The following XRN1 variants were observed in gnomAD, a reference collection of about 807,000 sequenced individuals.
XRN1 encodes the protein strand-exchange protein 1 homolog.
In XRN1, 67 loss-of-function variants were observed where a neutral mutation model predicts 222.3. The observed-to-expected ratio is 0.30, with a 90% CI of 0.25 to 0.37. XRN1 has a LOEUF of 0.37. Among genes scored for constraint, XRN1 ranks in the 10% least tolerant of loss-of-function variants. The probability of loss-of-function intolerance (pLI) is 1.00; values close to 1 mark genes in which losing one functional copy is unlikely to be tolerated. For missense variants in XRN1, 1,707 were observed against 2,000.2 expected, an observed-to-expected ratio of 0.85 and a Z score of 2.80; for synonymous variants, 643 against 652.4, an observed-to-expected ratio of 0.99 and a Z score of 0.22.
intron 32 of XRN1, among the ~76,000 whole-genome samples, chr3:142,350,775 A>G (rs1207294480): frequency 6.6e-6 from 1 of 152,212 alleles, no homozygotes; most frequent in Admixed American, 6.5e-5. Flanking sequence ...GAAGGAGTAA[A>G]GGATGTGACT....
intron 25 of XRN1, among the ~76,000 whole-genome samples, chr3:142,374,746 C>T (rs369906498): frequency 6.6e-6 from 1 of 152,026 alleles, no homozygotes; most frequent in African/African-American, 2.4e-5. Context: ...AGAAAGTGAA[C>T]AGAAGAAACA....
At chr3:142,410,575 C>G (rs1185941794) in intron 15 of XRN1, among the ~76,000 whole-genome samples, 1 of 139,714 alleles carries the variant, frequency 7.2e-6, no homozygotes, top group Non-Finnish European at 1.5e-5. Context: ...CTCACTGCAA[C>G]CTCTGCCTCT....
intron 14 of XRN1, among the ~76,000 whole-genome samples, chr3:142,413,080 T>C (rs1317987609): frequency 6.6e-6 from 1 of 152,178 alleles, no homozygotes; most frequent in Non-Finnish European, 1.5e-5. Context: ...GAAGAACTGA[T>C]TCTATTAAGT....
chr3:142,365,886 T>C (rs942502896), intron 27 of XRN1, among the ~76,000 whole-genome samples: 2 of 152,202 alleles, frequency 1.3e-5, no homozygotes, highest in Non-Finnish European at 2.9e-5. Context: ...GTATATATTT[T>C]TAAAAAGTAT....
intron 33 of XRN1, among the ~76,000 whole-genome samples, chr3:142,338,561 T>A (rs2065907750): frequency 6.6e-6 from 1 of 152,136 alleles, no homozygotes; most frequent in Non-Finnish European, 1.5e-5. Flanking sequence ...AGAGTCCTGC[T>A]TGAGAAAAGC....
At chr3:142,383,251 C>T (rs202052693) in intron 22 of XRN1, 49 bp downstream of exon 22, 5 of 1,398,018 alleles carry the variant, frequency 3.6e-6, no homozygotes, top group South Asian at 1.3e-5. Flanking sequence ...AGTTAAGTAA[C>T]TGCTTTAAAC....
At chr3:142,369,784 C>T (rs2066931365) in intron 27 of XRN1, among the ~76,000 whole-genome samples, 2 of 147,394 alleles carry the variant, frequency 1.4e-5, no homozygotes, top group South Asian at 4.4e-4. Context: ...GGTGACTCAC[C>T]CCTGTAATCC....
chr3:142,354,485 T>C (rs1488515817), intron 32 of XRN1, among the ~76,000 whole-genome samples: 2 of 152,288 alleles, frequency 1.3e-5, no homozygotes, highest in Non-Finnish European at 2.9e-5. Context: ...CATATATGAG[T>C]TGCATTTGCT....
rs148041512 is a variant in XRN1 at position 142,335,955 on chromosome 3, C to T, written c.3878-446G>A. Among the ~76,000 whole-genome samples the T allele has an allele frequency of 9.1e-4, 139 of 152,260 alleles. 2 individuals carry two copies. The East Asian group carries it at 0.023, about 25-fold the overall frequency. On this transcript the variant is annotated intron_variant, in intron 33 of 40. Coordinates refer to ENST00000392981, the MANE Select transcript of XRN1 (RefSeq NM_001282857.2). The stretch of plus-strand genomic sequence containing the variant: ...GCAGCCAGTAACAGAAAGGTTTAAG[C>T]AGGTAGTAATCTGATGAGAACTGTG...
At chr3:142,336,727 C>T (rs193239227) in intron 33 of XRN1, among the ~76,000 whole-genome samples, 94 of 152,168 alleles carry the variant, frequency 6.2e-4, no homozygotes, top group Non-Finnish European at 1.1e-3. Context: ...AGCTGACAAG[C>T]ATTAACACTA....
At chr3:142,349,672 A>G (rs1483635105) in intron 32 of XRN1, among the ~76,000 whole-genome samples, 5 of 152,228 alleles carry the variant, frequency 3.3e-5, no homozygotes, top group African/African-American at 9.6e-5. Context: ...ATTTGTACAC[A>G]TTGCCATGTT....
At chr3:142,358,215 C>G in intron 30 of XRN1, among the ~76,000 whole-genome samples, 1 of 152,220 alleles carries the variant, frequency 6.6e-6, no homozygotes, top group East Asian at 1.9e-4. Flanking sequence ...ATGTGGAGTC[C>G]AGCCCTTTTT....
At chr3:142,413,872 A>G (rs1479786228) in intron 14 of XRN1, among the ~76,000 whole-genome samples, 2 of 152,220 alleles carry the variant, frequency 1.3e-5, no homozygotes, top group African/African-American at 4.8e-5. Context: ...TTCAGTGTAG[A>G]GACAAATTGA....
intron 20 of XRN1, among the ~76,000 whole-genome samples, chr3:142,385,908 C>T (rs541915647): frequency 6.6e-6 from 1 of 151,728 alleles, no homozygotes; most frequent in African/African-American, 2.4e-5. Context: ...ACCAATCACA[C>T]TTTAAAAGTT....
At chr3:142,399,194 T>G (rs757163739) in intron 19 of XRN1, among the ~76,000 whole-genome samples, 1 of 138,592 alleles carries the variant, frequency 7.2e-6, no homozygotes, top group African/African-American at 2.7e-5. Context: ...AATTATAAAA[T>G]GTATATGAAA....
At chr3:142,443,164 G>A (rs565499226) in intron 1 of XRN1, among the ~76,000 whole-genome samples, 2 of 152,200 alleles carry the variant, frequency 1.3e-5, no homozygotes, top group East Asian at 1.9e-4. Context: ...CCCCTGGACC[G>A]GCCTGTTAGC....
At position 142,332,101 on chromosome 3, in the gene XRN1, T is replaced by C. The variant is rs1236816179; in HGVS notation, c.4222+274A>G. 2.0e-5 allele frequency among the ~76,000 whole-genome samples: 3 copies of C among 151,990 alleles called. No homozygotes were observed. The East Asian group carries it at 5.8e-4, about 29-fold the overall frequency. Reference sequence around the variant, plus strand: ...TATATTATTATATAACTGAAACAAATATAAAAATTATAGTTTTAAGAATAA... The same window carrying C: ...TATATTATTATATAACTGAAACAAACATAAAAATTATAGTTTTAAGAATAA... On this transcript the variant is annotated intron_variant, in intron 36 of 40. Transcript: ENST00000392981.
chr3:142,435,771 A>G (rs1194874944), intron 1 of XRN1, among the ~76,000 whole-genome samples: 1 of 150,234 alleles, frequency 6.7e-6, no homozygotes, highest in Non-Finnish European at 1.5e-5. Flanking sequence ...CCAAAAAAAA[A>G]AAAAAAAAAA....
At chr3:142,412,716 G>C in intron 14 of XRN1, 53 bp from the exon 15 acceptor site, 1 of 1,300,560 alleles carries the variant, frequency 7.7e-7, no homozygotes, top group Non-Finnish European at 1.0e-6. Flanking sequence ...TATCAATATA[G>C]TTTTTTGTTA....
Sources: allele counts gnomAD v4.1 joint callset (sites outside exome capture counted in the v4.1 genomes callset), GRCh38; gene constraint gnomAD v4.1.1; transcripts MANE v1.5; gene names NCBI Gene and HGNC (gene_info 2026-07-23, HGNC 2026-07-21).